CASR: variants seen among roughly 807,000 people sequenced by gnomAD.
CASR encodes the protein extracellular calcium-sensing receptor.
Under a neutral mutation model 69.1 loss-of-function variants are expected in CASR, and 23 were observed. That is an observed-to-expected ratio of 0.33 (90% CI 0.24 to 0.47). The LOEUF is 0.47. Among genes scored for constraint, CASR ranks in the 20% least tolerant of loss-of-function variants. The pLI is 1.00. For missense variants in CASR, 924 were observed against 1,356.1 expected (o/e 0.68, Z 5.00); for synonymous variants, 541 against 544.7 (o/e 0.99, Z 0.10).
At chr3:122,219,692 GT>G (rs2074152260) in intron 1 of CASR, among the ~76,000 whole-genome samples, 1 of 152,224 alleles carries the variant, frequency 6.6e-6, no homozygotes, top group African/African-American at 2.4e-5. Context: ...CCAGTTCAAG[GT>G]TACAGGGATG....
In CASR at chr3:122,248,331, C is replaced by A. The variant is rs1158602903; in HGVS notation, c.-242-5617C>A. Among the ~76,000 whole-genome samples, 3 of 152,186 alleles carry A rather than the reference C, an allele frequency of 2.0e-5. 1 individual carries two copies. Among genetic ancestry groups the A allele is most frequent in the Non-Finnish European group, 4.4e-5 (3 of 68,030 alleles). The stretch of plus-strand genomic sequence containing the variant: ...TCTCTTCAGCAAGAGGTAAAGGAAG[C>A]TGCAACTACAGCCAGGCACGTGAGT... On this transcript the variant is annotated intron_variant, in intron 1 of 6. Coordinates refer to ENST00000639785, the MANE Select transcript of CASR (RefSeq NM_000388.4).
chr3:122,261,033 G>A (rs547326639), intron 3 of CASR, among the ~76,000 whole-genome samples: 1 of 152,176 alleles, frequency 6.6e-6, no homozygotes, highest in Non-Finnish European at 1.5e-5. Flanking sequence ...TGGGGAACCC[G>A]ATTCCTTCCA....
At position 122,286,016 on chromosome 3, in the gene CASR, C is replaced by A. The variant is rs1486143086; in HGVS notation, c.*825C>A. The A allele has an allele frequency of 6.6e-6, 1 of 152,662 alleles. No homozygotes were observed. The highest frequency in any genetic ancestry group is 2.4e-5 in the African/African-American group (1 of 41,448). 9.5% of individuals were successfully genotyped at this position (152,662 alleles called of 1,614,324 possible). The stretch of plus-strand genomic sequence containing the variant: ...TTCCCCACCCCACTATCCTCACTCC[C>A]ATAAGCTAAGCCTTATGTGAGCCCC... On this transcript the variant is annotated 3_prime_UTR_variant, in exon 7 of 7. Coordinates refer to ENST00000639785, the MANE Select transcript of CASR (RefSeq NM_000388.4).
rs148143267 is a variant in CASR at position 122,271,023 on chromosome 3, T to C, written c.1378-4789T>C. ...TAGATCAAGTTGGTTGATAGTACTG[T>C]CCAAGTCTTTTAAGTCTTTTATATT... On this transcript the variant is annotated intron_variant, in intron 4 of 6. Transcript: ENST00000639785. 1.5e-4 allele frequency among the ~76,000 whole-genome samples: 23 copies of C among 152,324 alleles called. No individual in the cohort carries two copies. In the East Asian group the frequency reaches 4.1e-3, roughly 27 times the overall value.
chr3:122,184,927 GC>G (rs2073763226), intron 1 of CASR, among the ~76,000 whole-genome samples: 1 of 152,114 alleles, frequency 6.6e-6, no homozygotes. Context: ...GGAGGGGAGG[GC>G]CACAGAGTCA....
At chr3:122,236,071 G>A (rs2074326995) in intron 1 of CASR, among the ~76,000 whole-genome samples, 1 of 152,216 alleles carries the variant, frequency 6.6e-6, no homozygotes, top group Admixed American at 6.5e-5. Flanking sequence ...CCTGCACCCG[G>A]CCCCATGCCC....
At chr3:122,242,084 G>GA (rs2074384090) in intron 1 of CASR, among the ~76,000 whole-genome samples, 1 of 152,034 alleles carries the variant, frequency 6.6e-6, no homozygotes, top group Admixed American at 6.5e-5. Flanking sequence ...TACAGATTGT[G>GA]AAAAAAATCT....
chr3:122,212,343 G>A (rs1463746041), intron 1 of CASR, among the ~76,000 whole-genome samples: 2 of 152,156 alleles, frequency 1.3e-5, no homozygotes, highest in Admixed American at 1.3e-4. Flanking sequence ...TCACTTATAA[G>A]TGGGAGCTGA....
At position 122,291,196 on chromosome 3, in the gene CASR, G is replaced by A. The variant is rs2075009534; in HGVS notation, c.*6005G>A. ...ATAGTGCCACAATAAACATATGTGTGCATGTGTCTTTATAGCAGCATGATT... is the reference window on the plus strand; with the variant it reads ...ATAGTGCCACAATAAACATATGTGTACATGTGTCTTTATAGCAGCATGATT... On this transcript the variant is annotated 3_prime_UTR_variant, in exon 7 of 7. Transcript: ENST00000639785. The A allele has an allele frequency of 2.6e-5, 4 of 151,126 alleles. No homozygotes were observed. In the South Asian group the frequency reaches 8.5e-4, roughly 32 times the overall value. 9.4% of individuals were successfully genotyped at this position (151,126 alleles called of 1,614,324 possible).
chr3:122,216,631 C>G (rs2074119878), intron 1 of CASR, among the ~76,000 whole-genome samples: 3 of 152,104 alleles, frequency 2.0e-5, no homozygotes, highest in African/African-American at 7.2e-5. Context: ...AATAACTATA[C>G]CATTCTAATA....
chr3:122,203,650 G>A (rs919800588), intron 1 of CASR, among the ~76,000 whole-genome samples: 2 of 152,210 alleles, frequency 1.3e-5, no homozygotes, highest in Non-Finnish European at 2.9e-5. Flanking sequence ...GTGAGTCAGT[G>A]AGCGAGTGAT....
At chr3:122,265,406 C>T (rs994591847) in intron 4 of CASR, among the ~76,000 whole-genome samples, 11 of 152,248 alleles carry the variant, frequency 7.2e-5, no homozygotes, top group African/African-American at 2.6e-4. Context: ...TTCTTGGAGA[C>T]CCCCAAGCCC....
chr3:122,249,065 C>G (rs2074456497), intron 1 of CASR, among the ~76,000 whole-genome samples: 1 of 152,194 alleles, frequency 6.6e-6, no homozygotes, highest in Non-Finnish European at 1.5e-5. Context: ...CTTGTCCTGT[C>G]CAGGAATTGC....
At chr3:122,234,226 G>A (rs2074306847) in intron 1 of CASR, among the ~76,000 whole-genome samples, 1 of 152,072 alleles carries the variant, frequency 6.6e-6, no homozygotes, top group Non-Finnish European at 1.5e-5. Context: ...AAGCTTTGTG[G>A]GCCAATCTTT....
At chr3:122,221,607 G>A (rs2074172557) in intron 1 of CASR, among the ~76,000 whole-genome samples, 1 of 152,184 alleles carries the variant, frequency 6.6e-6, no homozygotes, top group Non-Finnish European at 1.5e-5. Flanking sequence ...GTTCCTAAAG[G>A]TGTAGAATCT....
chr3:122,252,075 C>T (rs2074489226), intron 1 of CASR, among the ~76,000 whole-genome samples: 1 of 152,108 alleles, frequency 6.6e-6, no homozygotes, highest in African/African-American at 2.4e-5. Flanking sequence ...GGGAGGATCA[C>T]TTGAGCCTAG....
chr3:122,280,001 C>T (rs1245330250), intron 5 of CASR, among the ~76,000 whole-genome samples: 1 of 152,182 alleles, frequency 6.6e-6, no homozygotes, highest in African/African-American at 2.4e-5. Context: ...ACCCTGTGTC[C>T]ATGTGTTCCC....
intron 5 of CASR, among the ~76,000 whole-genome samples, chr3:122,278,522 G>A (rs2107645637): frequency 6.6e-6 from 1 of 152,332 alleles, no homozygotes; most frequent in East Asian, 1.9e-4. Flanking sequence ...ATTCAGATGA[G>A]CTTCCTTGGC....
At chr3:122,217,108 A>AT (rs34569113) in intron 1 of CASR, among the ~76,000 whole-genome samples, 72,801 of 146,774 alleles carry the variant, frequency 0.5, 18,866 homozygotes, top group African/African-American at 0.64. Context: ...GGAAAGTAAA[A>AT]TTTTTTTTTT....
Sources: allele counts gnomAD v4.1 joint callset (sites outside exome capture counted in the v4.1 genomes callset), GRCh38; gene constraint gnomAD v4.1.1; transcripts MANE v1.5; gene names NCBI Gene and HGNC (gene_info 2026-07-23, HGNC 2026-07-21).